Variants in ADAM20 observed in about 807,000 individuals in gnomAD.
The protein encoded by ADAM20 is ADAM metallopeptidase domain 20.
For synonymous variants in ADAM20, 305 were observed against 310.2 expected (o/e 0.98, Z 0.18); for missense variants, 871 against 883.2 (o/e 0.99, Z 0.18).
intron 1 of ADAM20, among the ~76,000 whole-genome samples, chr14:70,526,482 C>T (rs1345417663): frequency 6.6e-6 from 1 of 152,082 alleles, no homozygotes; most frequent in Non-Finnish European, 1.5e-5. Context: ...TCATAATATC[C>T]TTGGTATGTG....
At chr14:70,543,555 C>T in the ADAM20 span, among the ~76,000 whole-genome samples, 1 of 152,036 alleles carries the variant, frequency 6.6e-6, no homozygotes, top group African/African-American at 2.4e-5. Flanking sequence ...AAAGGAATAC[C>T]AAAACAACCA....
In ADAM20 at chr14:70,522,425, C is replaced by A; in HGVS notation, c.*152G>T. 1 of 779,152 alleles carries A rather than the reference C, an allele frequency of 1.3e-6. No homozygotes were observed. The highest frequency in any genetic ancestry group is 2.0e-6 in the Non-Finnish European group (1 of 502,954). The allele number at this position is 779,152 out of a possible 1,614,324, so 48.3% of individuals were successfully genotyped here. On this transcript the variant is annotated 3_prime_UTR_variant, in exon 2 of 2. Transcript: ENST00000256389. ...AGTAAGTAAGAATAGGCTAGGAATC[C>A]TTTGCTGTGATAGCTAATGCTTGCA...
upstream of ADAM20, among the ~76,000 whole-genome samples, chr14:70,536,072 C>T (rs546603396): frequency 2.0e-5 from 3 of 152,168 alleles, no homozygotes; most frequent in East Asian, 1.9e-4. Context: ...GTAAAAACAT[C>T]CAACAATTGC....
chr14:70,534,799 CTG>C lies in ADAM20; in HGVS notation c.-181_-180del, dbSNP rs1883797270. The stretch of plus-strand genomic sequence containing the variant: ...TAGCTCCTTCTAGCAAATCTTACCT[CTG>C]TGTCTTTCAGTGTTCCATTTTTATA... On this transcript the variant is annotated 5_prime_UTR_variant, in exon 1 of 2. Coordinates refer to ENST00000256389, the MANE Select transcript of ADAM20 (RefSeq NM_003814.5). 6.6e-6 allele frequency: 1 copy of C among 152,158 alleles called. No individual in the cohort carries two copies. The highest frequency in any genetic ancestry group is 2.4e-5 in the African/African-American group (1 of 41,442). The allele number at this position is 152,158 out of a possible 1,614,324, so 9.4% of individuals were successfully genotyped here.
At chr14:70,536,722 C>A (rs543180914), upstream of ADAM20, among the ~76,000 whole-genome samples, 1 of 151,964 alleles carries the variant, frequency 6.6e-6, no homozygotes, top group Non-Finnish European at 1.5e-5. Context: ...AACATTCCAA[C>A]CATAAGATAA....
At chr14:70,556,673 A>AT in the ADAM20 span, 2 of 152,192 alleles carry the variant, frequency 1.3e-5, no homozygotes, top group African/African-American at 2.4e-5. Flanking sequence ...CTCATGTGCG[A>AT]TTTTTTCAAT....
chr14:70,570,597 G>C, the ADAM20 span, among the ~76,000 whole-genome samples: 1 of 151,898 alleles, frequency 6.6e-6, no homozygotes. Flanking sequence ...TTGAACAGAC[G>C]AATGAGTTAG....
rs142051635 is a variant in ADAM20, at chr14:70,524,672, G to A, written c.86C>T (p.Ser29Phe). The change falls in exon 2 of 2, where the codon TCT becomes TTT. Residue 29 changes from serine to phenylalanine, a missense_variant. By Grantham distance (155) the Ser-to-Phe change is radical. Transcript: ENST00000256389. ...FGMFLSISGH[S>F]QARPSQYFTS... ...GAAATACTGGGAGGGCCTGGCCTGA[G>A]AGTGGCCAGAAATAGACAAAAACAT... 124 of 1,613,888 alleles carry A rather than the reference G, an allele frequency of 7.7e-5. No individual in the cohort carries two copies. Among genetic ancestry groups the A allele is most frequent in the Non-Finnish European group, 6.9e-5 (82 of 1,179,958 alleles).
At chr14:70,546,888 AAACAAC>A in the ADAM20 span, among the ~76,000 whole-genome samples, 14 of 152,138 alleles carry the variant, frequency 9.2e-5, no homozygotes, top group Non-Finnish European at 1.9e-4. Flanking sequence ...AAAATACAAA[AAACAAC>A]AACAACAACA....
chr14:70,526,858 C>T (rs992092614), intron 1 of ADAM20, among the ~76,000 whole-genome samples: 12 of 152,140 alleles, frequency 7.9e-5, no homozygotes, highest in Non-Finnish European at 1.3e-4. Flanking sequence ...ATCTTATGAT[C>T]TCTCCCCTCA....
At chr14:70,554,652 T>C in the ADAM20 span, among the ~76,000 whole-genome samples, 2 of 152,162 alleles carry the variant, frequency 1.3e-5, no homozygotes, top group African/African-American at 4.8e-5. Context: ...ATAAGCCAGA[T>C]GCAGAAAAAC....
At chr14:70,560,551 G>A in the ADAM20 span, among the ~76,000 whole-genome samples, 1 of 152,104 alleles carries the variant, frequency 6.6e-6, no homozygotes, top group Non-Finnish European at 1.5e-5. Flanking sequence ...TCAAAAATCA[G>A]AAAACATATG....
At chr14:70,543,860 A>G in the ADAM20 span, among the ~76,000 whole-genome samples, 1 of 152,198 alleles carries the variant, frequency 6.6e-6, no homozygotes, top group Non-Finnish European at 1.5e-5. Flanking sequence ...GTCTAGATTG[A>G]CAGAGCAGGA....
the ADAM20 span, among the ~76,000 whole-genome samples, chr14:70,559,651 ATCGC>A: frequency 5.9e-5 from 9 of 152,168 alleles, no homozygotes; most frequent in African/African-American, 1.9e-4. Context: ...TGCCATCACT[ATCGC>A]TCTCTCCTTT....
At chr14:70,571,872 C>T in the ADAM20 span, among the ~76,000 whole-genome samples, 1 of 152,118 alleles carries the variant, frequency 6.6e-6, no homozygotes, top group Non-Finnish European at 1.5e-5. Context: ...GAACTCAATT[C>T]CATCTAGAAA....
At chr14:70,563,990 C>T in the ADAM20 span, among the ~76,000 whole-genome samples, 1 of 152,218 alleles carries the variant, frequency 6.6e-6, no homozygotes, top group African/African-American at 2.4e-5. Flanking sequence ...AGTTCAGAGC[C>T]AGAGGATCAC....
intron 1 of ADAM20, among the ~76,000 whole-genome samples, chr14:70,530,965 G>A (rs60870618): frequency 6.6e-6 from 1 of 151,002 alleles, no homozygotes; most frequent in African/African-American, 2.4e-5. Context: ...AAACTACGCT[G>A]AAAGTCAACA....
intron 1 of ADAM20, among the ~76,000 whole-genome samples, chr14:70,532,185 T>C (rs1001794346): frequency 6.6e-5 from 10 of 151,846 alleles, no homozygotes; most frequent in Admixed American, 6.6e-5. Flanking sequence ...CAGACATGTA[T>C]GAATAAATGA....
chr14:70,575,154 T>C, the ADAM20 span, among the ~76,000 whole-genome samples: 1 of 150,642 alleles, frequency 6.6e-6, no homozygotes, highest in Admixed American at 6.6e-5. Flanking sequence ...TATTGTATTG[T>C]GTACTTTAAA....
Sources: allele counts gnomAD v4.1 joint callset (sites outside exome capture counted in the v4.1 genomes callset), GRCh38; gene constraint gnomAD v4.1.1; transcripts MANE v1.5; gene names NCBI Gene and HGNC (gene_info 2026-07-23, HGNC 2026-07-21).